SV2A: variants seen among roughly 807,000 people sequenced by gnomAD.
SV2A encodes solute carrier family 22 member B1.
A neutral mutation model predicts 78.0 loss-of-function variants in SV2A; 25 were observed. The observed-to-expected ratio is 0.32, with a 90% CI of 0.23 to 0.45. The LOEUF is 0.45. Among genes scored for constraint, SV2A ranks in the 20% least tolerant of loss-of-function variants. The pLI is 1.00. For synonymous variants in SV2A, 355 were observed against 384.7 expected (o/e 0.92, Z 0.90); for missense variants, 752 against 971.5 (o/e 0.77, Z 3.00).
In SV2A at chr1:149,909,873, C is replaced by T. The variant is rs782252414; in HGVS notation, c.1107G>A (p.Glu369=). 3.7e-6 allele frequency: 6 copies of T among 1,613,946 alleles called. No homozygotes were observed. ...RFFLENGKHD[E]AWMVLKQVHD... is the part of the protein sequence containing the mutation. ...GGACCTGCTTCAGCACCATCCAGGC[C>T]TCATCATGCTTTCCATTCTAGAGCC... is the stretch of plus-strand genomic sequence containing the variant. The change falls in exon 6 of 13, where the codon GAG becomes GAA. Residue 369 remains glutamate (E), a synonymous_variant. Coordinates refer to ENST00000369146, the MANE Select transcript of SV2A (RefSeq NM_014849.5).
chr1:149,908,668 C>T lies in SV2A; in HGVS notation c.1380-462G>A, dbSNP rs188890985. Among the ~76,000 whole-genome samples the T allele has an allele frequency of 9.3e-4, 142 of 152,010 alleles. 1 individual carries two copies. Among genetic ancestry groups the T allele is most frequent in the Admixed American group, 4.8e-3 (74 of 15,278 alleles). ...TTTTTTTTCTTTTGAGACGGAGTCTCGCTCTGTCACCCAGGCTGGAGTGCA... is the reference window on the plus strand; with the variant it reads ...TTTTTTTTCTTTTGAGACGGAGTCTTGCTCTGTCACCCAGGCTGGAGTGCA... On this transcript the variant is annotated intron_variant, in intron 8 of 12. Transcript: ENST00000369146.
chr1:149,911,124 G>A (rs2092472753), intron 3 of SV2A, 147 bp from the exon 4 acceptor site: 2 of 1,063,610 alleles, frequency 1.9e-6, no homozygotes, highest in Admixed American at 3.0e-5. Flanking sequence ...CTCCCATGTG[G>A]GCCAGCCATC....
rs587740146 is a variant in SV2A at position 149,917,283 on chromosome 1, G to GCCCC, written c.-348+452_-348+455dup. ...ATCCTTCACCTGCCCTTCTTCCCCTGCCCCCCACCCACCCAAGTCCAGGCG... is the reference window on the plus strand; with the variant it reads ...ATCCTTCACCTGCCCTTCTTCCCCTGCCCCCCCCCCACCCACCCAAGTCCAGGCG... On this transcript the variant is annotated intron_variant, in intron 1 of 12. Coordinates refer to ENST00000369146, the MANE Select transcript of SV2A (RefSeq NM_014849.5). Among the ~76,000 whole-genome samples the GCCCC allele has an allele frequency of 4.7e-3, 711 of 149,712 alleles. 9 individuals are homozygous for GCCCC. Among genetic ancestry groups the GCCCC allele is most frequent in the African/African-American group, 0.017 (681 of 40,144 alleles).
chr1:149,912,245 G>C (rs1213606612), intron 2 of SV2A, among the ~76,000 whole-genome samples: 1 of 152,104 alleles, frequency 6.6e-6, no homozygotes, highest in Non-Finnish European at 1.5e-5. Flanking sequence ...TTCTCACTCT[G>C]ACACACACAC....
intron 11 of SV2A, 43 bp downstream of exon 11, chr1:149,906,607 C>T: frequency 2.5e-6 from 4 of 1,606,352 alleles, no homozygotes; most frequent in Non-Finnish European, 3.4e-6. Context: ...TCCCGCAGCC[C>T]CTGGCCCCTA....
At chr1:149,912,366 G>A (rs1480008516) in intron 2 of SV2A, among the ~76,000 whole-genome samples, 4 of 152,014 alleles carry the variant, frequency 2.6e-5, no homozygotes, top group African/African-American at 7.3e-5. Flanking sequence ...CAAAGCAGCA[G>A]GAGAGCTCTC....
intron 12 of SV2A, 153 bp from the exon 13 acceptor site, chr1:149,905,350 C>A: frequency 1.6e-6 from 1 of 624,702 alleles, no homozygotes; most frequent in Non-Finnish European, 2.7e-6. Flanking sequence ...AGGATGTACA[C>A]CAGGAATGTA....
Position 149,903,715 on chromosome 1 carries a change from T to C in SV2A, c.*1299A>G, listed in dbSNP as rs2092414764. 1 of 152,436 alleles carries C rather than the reference T, an allele frequency of 6.6e-6. No homozygotes were observed. The highest frequency in any genetic ancestry group is 2.1e-4 in the South Asian group (1 of 4,824). 9.4% of individuals were successfully genotyped at this position (152,436 alleles called of 1,614,324 possible). A position where few individuals can be genotyped will look rare whatever the true frequency, so the allele number is the denominator to read the frequency against. On this transcript the variant is annotated 3_prime_UTR_variant, in exon 13 of 13. Transcript: ENST00000369146. Reference sequence around the variant, plus strand: ...CATTTTTTTAAACATTTTACAAACATCTAAAAACTACAACACGTCACAGCT... The same window carrying C: ...CATTTTTTTAAACATTTTACAAACACCTAAAAACTACAACACGTCACAGCT...
intron 10 of SV2A, 190 bp from the exon 11 acceptor site, chr1:149,907,046 C>A: frequency 1.1e-6 from 1 of 930,316 alleles, no homozygotes; most frequent in Non-Finnish European, 1.3e-6. Flanking sequence ...CAGAAAATGA[C>A]CATCATCTGT....
chr1:149,916,288 G>A (rs2101629274), intron 1 of SV2A, among the ~76,000 whole-genome samples: 1 of 152,300 alleles, frequency 6.6e-6, no homozygotes, highest in African/African-American at 2.4e-5. Context: ...AGCAGGATAT[G>A]AGGTCTCAAC....
chr1:149,908,275 A>G (rs587619793), intron 8 of SV2A, 69 bp from the exon 9 acceptor site: 8 of 1,551,338 alleles, frequency 5.2e-6, no homozygotes, highest in Non-Finnish European at 6.1e-6. Flanking sequence ...AGAATCAGGC[A>G]GAGGAGAAAA....
Position 149,908,272 on chromosome 1 carries a change from G to A in SV2A, c.1380-66C>T, listed in dbSNP as rs587742537. The A allele has an allele frequency of 6.8e-5, 106 of 1,556,774 alleles. No individual in the cohort carries two copies. The East Asian group carries it at 2.2e-3, about 33-fold the overall frequency. The stretch of plus-strand genomic sequence containing the variant: ...AGACAAGGCTCAGAGATTAGAATCA[G>A]GCAGAGGAGAAAACGGAAATGTGTA... On this transcript the variant is annotated intron_variant, in intron 8 of 12. Transcript: ENST00000369146.
intron 3 of SV2A, among the ~76,000 whole-genome samples, chr1:149,911,519 A>C (rs1231575538): frequency 6.6e-6 from 1 of 152,218 alleles, no homozygotes; most frequent in Non-Finnish European, 1.5e-5. Context: ...GCTGAGGCCC[A>C]CTAGGCCTCT....
intron 1 of SV2A, among the ~76,000 whole-genome samples, chr1:149,916,057 C>T (rs2092511672): frequency 6.6e-6 from 1 of 152,138 alleles, no homozygotes; most frequent in African/African-American, 2.4e-5. Flanking sequence ...CCTATGTCAC[C>T]TTTTCTTCAT....
intron 1 of SV2A, among the ~76,000 whole-genome samples, chr1:149,916,229 A>G (rs782406119): frequency 6.6e-6 from 1 of 152,026 alleles, no homozygotes; most frequent in Admixed American, 6.6e-5. Flanking sequence ...TGTTGACCCT[A>G]TTTCCCCCTG....
rs1553764249 is a variant in SV2A, at chr1:149,914,039, G to C, written c.-199C>G. The C allele has an allele frequency of 1.3e-6, 1 of 764,464 alleles. No homozygotes were observed. The highest frequency in any genetic ancestry group is 1.8e-5 in the African/African-American group (1 of 56,970). The allele number at this position is 764,464 out of a possible 1,614,324, so 47.4% of individuals were successfully genotyped here. A position where few individuals can be genotyped will look rare whatever the true frequency, so the allele number is the denominator to read the frequency against. The stretch of plus-strand genomic sequence containing the variant: ...CTAGGAAGGAAAAGGAAGGAGAGGA[G>C]CTTTGACCTATACCCAGTTCAGTTG... On this transcript the variant is annotated 5_prime_UTR_variant, in exon 2 of 13. Coordinates refer to ENST00000369146, the MANE Select transcript of SV2A (RefSeq NM_014849.5).
At chr1:149,905,722 C>T (rs782777766) in intron 12 of SV2A, 158 bp downstream of exon 12, 23 of 1,006,856 alleles carry the variant, frequency 2.3e-5, no homozygotes, top group Non-Finnish European at 3.1e-5. Context: ...GGATTACAGG[C>T]ATGAGTCACC....
Position 149,908,200 on chromosome 1 carries a change from A to G in SV2A, c.1386T>C (p.Tyr462=). 1 of 1,613,690 alleles carries G rather than the reference A, an allele frequency of 6.2e-7. No homozygotes were observed. Among genetic ancestry groups the G allele is most frequent in the East Asian group, 2.2e-5 (1 of 44,864 alleles). ...TGTCAGGAAACCAGACGGTCAGGCC[A>G]TAGTAGCTGAAGAGTCAAGGACAAT... ...GVWFTMSFSY[Y]GLTVWFPDMI... The change falls in exon 9 of 13, where the codon TAT becomes TAC. Residue 462 remains tyrosine, a synonymous_variant. Transcript: ENST00000369146.
intron 3 of SV2A, among the ~76,000 whole-genome samples, chr1:149,911,369 T>C (rs1483132308): frequency 6.6e-6 from 1 of 152,182 alleles, no homozygotes; most frequent in African/African-American, 2.4e-5. Flanking sequence ...CCTGCCATGC[T>C]TGCAAAAGTG....
Sources: gnomAD v4.1 joint callset for allele counts (sites outside exome capture counted in the v4.1 genomes callset) on GRCh38, gnomAD v4.1.1 for gene constraint, MANE v1.5 for transcripts, NCBI Gene and HGNC (gene_info 2026-07-23, HGNC 2026-07-21) for gene names.